The following HCN1 variants were observed in gnomAD, a reference collection of about 807,000 sequenced individuals.
The protein encoded by HCN1 is potassium/sodium hyperpolarization-activated cyclic nucleotide-gated channel 1.
In HCN1, 13 loss-of-function variants were observed where a neutral mutation model predicts 78.9. The ratio of observed to expected loss-of-function variants is 0.16; its 90% CI spans 0.11 to 0.26. HCN1 has a LOEUF of 0.26. Among genes scored for constraint, HCN1 ranks in the 10% least tolerant of loss-of-function variants. HCN1 has a pLI of 1.00. For missense variants in HCN1, 810 were observed against 1,154.3 expected (o/e 0.70, Z 4.32); for synonymous variants, 552 against 455.5 (o/e 1.21, Z -2.70).
intron 4 of HCN1, among the ~76,000 whole-genome samples, chr5:45,372,144 TATTATATAATATG>T (rs1747399800): frequency 1.9e-5 from 1 of 53,590 alleles, no homozygotes; most frequent in African/African-American, 1.2e-4. Flanking sequence ...TATAATAATA[TATTATATAATATG>T]TTATTATATA....
intron 3 of HCN1, among the ~76,000 whole-genome samples, chr5:45,459,821 T>C (rs1305321328): frequency 6.6e-6 from 1 of 152,086 alleles, no homozygotes; most frequent in Non-Finnish European, 1.5e-5. Flanking sequence ...TGCTAATGTT[T>C]TTATACTATC....
intron 5 of HCN1, among the ~76,000 whole-genome samples, chr5:45,336,923 G>A (rs1171641987): frequency 6.6e-6 from 1 of 151,878 alleles, no homozygotes; most frequent in Non-Finnish European, 1.5e-5. Flanking sequence ...CCTCCCAAAG[G>A]CCCCTTCCTC....
chr5:45,424,198 C>A (rs561687631), intron 3 of HCN1, among the ~76,000 whole-genome samples: 1 of 151,112 alleles, frequency 6.6e-6, no homozygotes, highest in African/African-American at 2.4e-5. Flanking sequence ...GAGGCTGAGG[C>A]AGGAGAATGG....
rs900741039 is a variant in HCN1, at chr5:45,375,433, T to C, written c.1230+21059A>G. On this transcript the variant is annotated intron_variant, in intron 4 of 7. Coordinates refer to ENST00000303230, the MANE Select transcript of HCN1 (RefSeq NM_021072.4). ...TAAGATCATATTTTATGATACATAT[T>C]ATATATAAGATCATATTTTATGATA... Among the ~76,000 whole-genome samples, 32 of 114,000 alleles carry C rather than the reference T, an allele frequency of 2.8e-4. 1 individual carries two copies. Among genetic ancestry groups the C allele is most frequent in the African/African-American group, 1.1e-3 (31 of 28,142 alleles). The allele number at this position is 114,000 out of a possible 152,430, so 74.8% of individuals were successfully genotyped here.
At chr5:45,345,271 T>C (rs1268607469) in intron 5 of HCN1, among the ~76,000 whole-genome samples, 1 of 152,140 alleles carries the variant, frequency 6.6e-6, no homozygotes, top group Non-Finnish European at 1.5e-5. Context: ...AAACTATTTT[T>C]TCCCCCTAGA....
At chr5:45,604,400 A>G (rs1464446672) in intron 2 of HCN1, among the ~76,000 whole-genome samples, 1 of 151,882 alleles carries the variant, frequency 6.6e-6, no homozygotes, top group Admixed American at 6.6e-5. Context: ...CCATTATTCA[A>G]CTTTCCAGTT....
chr5:45,389,655 T>A (rs556641317), intron 4 of HCN1, among the ~76,000 whole-genome samples: 6 of 152,158 alleles, frequency 3.9e-5, no homozygotes, highest in Non-Finnish European at 8.8e-5. Flanking sequence ...CGACAACTTA[T>A]AACTGAAGAC....
intron 3 of HCN1, among the ~76,000 whole-genome samples, chr5:45,437,650 G>C (rs1740583221): frequency 6.6e-6 from 1 of 152,144 alleles, no homozygotes; most frequent in Non-Finnish European, 1.5e-5. Flanking sequence ...TGAGTCACTG[G>C]AGTCAGTGAA....
At chr5:45,494,374 G>T (rs1324616828) in intron 2 of HCN1, among the ~76,000 whole-genome samples, 3 of 152,146 alleles carry the variant, frequency 2.0e-5, no homozygotes, top group Non-Finnish European at 2.9e-5. Flanking sequence ...TTTTTCATGT[G>T]TTTTTTGGCT....
chr5:45,319,987 G>T (rs373836030), intron 5 of HCN1, among the ~76,000 whole-genome samples: 1 of 151,898 alleles, frequency 6.6e-6, no homozygotes, highest in South Asian at 2.1e-4. Flanking sequence ...ATTCTAAACA[G>T]TATATTTCTG....
rs987857795 is a variant in HCN1 at position 45,445,166 on chromosome 5, C to T, written c.1011+16680G>A. ...GGGTGACAGATGGCACCTGGAAAAT[C>T]GGGTCACTCCCACCCGAATACTGCA... On this transcript the variant is annotated intron_variant, in intron 3 of 7. Transcript: ENST00000303230. 4.6e-5 allele frequency among the ~76,000 whole-genome samples: 7 copies of T among 152,266 alleles called. No individual in the cohort carries two copies. In the East Asian group the frequency reaches 5.8e-4, roughly 13 times the overall value.
At chr5:45,310,764 A>G (rs185619478) in intron 5 of HCN1, among the ~76,000 whole-genome samples, 6 of 152,324 alleles carry the variant, frequency 3.9e-5, no homozygotes, top group African/African-American at 1.4e-4. Flanking sequence ...GAATCAACCC[A>G]AATGCTCATC....
chr5:45,564,145 TC>T (rs1317401889), intron 2 of HCN1, among the ~76,000 whole-genome samples: 1 of 152,182 alleles, frequency 6.6e-6, no homozygotes, highest in African/African-American at 2.4e-5. Context: ...CTCACTTCAT[TC>T]TGCTCCACAA....
In HCN1 at chr5:45,255,257, C is replaced by A. The variant is rs534158109; in HGVS notation, c.*6664G>T. 5 of 152,294 alleles carry A rather than the reference C, an allele frequency of 3.3e-5. No homozygotes were observed. The highest frequency in any genetic ancestry group is 6.5e-5 in the Admixed American group (1 of 15,300). 9.4% of individuals were successfully genotyped at this position (152,294 alleles called of 1,614,324 possible). The stretch of plus-strand genomic sequence containing the variant: ...GTTGCTTGTGTTTATTTAATGTTCT[C>A]TCGCTTTCCTTGTCTAGCCAAGATC... On this transcript the variant is annotated 3_prime_UTR_variant, in exon 8 of 8. Coordinates refer to ENST00000303230, the MANE Select transcript of HCN1 (RefSeq NM_021072.4).
At chr5:45,659,234 G>A (rs1241899813) in intron 1 of HCN1, among the ~76,000 whole-genome samples, 3 of 143,214 alleles carry the variant, frequency 2.1e-5, no homozygotes, top group Non-Finnish European at 4.5e-5. Flanking sequence ...CAGACCTGCA[G>A]CTGAGGGTCC....
chr5:45,302,713 C>T (rs1194398895), intron 6 of HCN1, among the ~76,000 whole-genome samples: 1 of 151,786 alleles, frequency 6.6e-6, no homozygotes, highest in East Asian at 1.9e-4. Context: ...AATTGTACCT[C>T]CCAGAATTCC....
intron 5 of HCN1, among the ~76,000 whole-genome samples, chr5:45,326,141 T>A (rs1439248523): frequency 1.3e-5 from 2 of 151,696 alleles, no homozygotes; most frequent in Non-Finnish European, 3.0e-5. Context: ...CTTAAAAAAA[T>A]TACATATACA....
rs992071715 is a variant in HCN1, at chr5:45,518,978, T to C, written c.850-56971A>G. Among the ~76,000 whole-genome samples the C allele has an allele frequency of 5.9e-5, 9 of 151,728 alleles. No individual in the cohort carries two copies. The South Asian group carries it at 1.5e-3, about 24-fold the overall frequency. ...TAAAATGTGCATATATATACATAAA[T>C]ATATAAAATTTAAAACAAATATATA... On this transcript the variant is annotated intron_variant, in intron 2 of 7. Coordinates refer to ENST00000303230, the MANE Select transcript of HCN1 (RefSeq NM_021072.4).
intron 2 of HCN1, among the ~76,000 whole-genome samples, chr5:45,496,834 G>T (rs1314524784): frequency 6.6e-6 from 1 of 151,102 alleles, no homozygotes; most frequent in African/African-American, 2.4e-5. Context: ...TTCTCTTGTG[G>T]GCATTTAGTG....
Sources: allele counts gnomAD v4.1 joint callset (sites outside exome capture counted in the v4.1 genomes callset), GRCh38; gene constraint gnomAD v4.1.1; transcripts MANE v1.5; gene names NCBI Gene and HGNC (gene_info 2026-07-23, HGNC 2026-07-21).